Variants in METTL25 observed in about 807,000 individuals in gnomAD.
METTL25 encodes the protein methyltransferase like 25.
In METTL25, 64 loss-of-function variants were observed where a neutral mutation model predicts 71.6. That is an observed-to-expected ratio of 0.89 (90% CI 0.73 to 1.10). The LOEUF (loss-of-function observed/expected upper bound fraction) is 1.10. Ranked by LOEUF, METTL25 falls within the 50% of genes least tolerant of loss-of-function variation. The pLI is 0.00. For missense variants in METTL25, 807 were observed against 707.0 expected, an observed-to-expected ratio of 1.14 and a Z score of -1.60; for synonymous variants, 287 against 250.3, an observed-to-expected ratio of 1.15 and a Z score of -1.38.
At chr12:82,397,563 AT>A (rs1315043615) in intron 3 of METTL25, among the ~76,000 whole-genome samples, 3 of 151,766 alleles carry the variant, frequency 2.0e-5, no homozygotes, top group African/African-American at 7.3e-5. Flanking sequence ...ATCAGATAAC[AT>A]TTTTTTCTAT....
At chr12:82,437,722 G>T (rs1040409721) in intron 7 of METTL25, among the ~76,000 whole-genome samples, 1 of 151,634 alleles carries the variant, frequency 6.6e-6, no homozygotes, top group African/African-American at 2.4e-5. Flanking sequence ...GGATATACAC[G>T]TTTTACTGAA....
chr12:82,359,419 G>A (rs1167799116), intron 1 of METTL25, among the ~76,000 whole-genome samples: 1 of 152,166 alleles, frequency 6.6e-6, no homozygotes, highest in Non-Finnish European at 1.5e-5. Flanking sequence ...GATGGCACAG[G>A]CCTTTCTAGG....
At chr12:82,463,220 A>G (rs1892007473) in intron 9 of METTL25, among the ~76,000 whole-genome samples, 1 of 151,940 alleles carries the variant, frequency 6.6e-6, no homozygotes, top group African/African-American at 2.4e-5. Flanking sequence ...CACTGTCTAT[A>G]ATGCACTTCC....
At chr12:82,370,798 TTC>T (rs1411938668) in intron 1 of METTL25, among the ~76,000 whole-genome samples, 6 of 152,100 alleles carry the variant, frequency 3.9e-5, no homozygotes, top group African/African-American at 7.2e-5. Flanking sequence ...CTCTCTGACT[TTC>T]TGTCTCTTTC....
chr12:82,395,618 A>G (rs894017954), intron 3 of METTL25, among the ~76,000 whole-genome samples: 4 of 152,040 alleles, frequency 2.6e-5, no homozygotes, highest in Admixed American at 1.3e-4. Flanking sequence ...TTTACTATCT[A>G]AAGTACAGTA....
chr12:82,439,757 T>C (rs1415756273), intron 8 of METTL25: 1 of 415,886 alleles, frequency 2.4e-6, no homozygotes, highest in African/African-American at 2.2e-5. Context: ...TCTCTTATAT[T>C]TACCCTAAGA....
intron 1 of METTL25, among the ~76,000 whole-genome samples, chr12:82,365,083 C>G (rs1468879505): frequency 6.6e-6 from 1 of 151,940 alleles, no homozygotes; most frequent in Admixed American, 6.6e-5. Context: ...TTAAATAATT[C>G]TTGAAAGAAT....
chr12:82,362,269 T>C (rs1331270871), intron 1 of METTL25, among the ~76,000 whole-genome samples: 1 of 152,222 alleles, frequency 6.6e-6, no homozygotes, highest in African/African-American at 2.4e-5. Context: ...AACTATCTTT[T>C]CAGTGCATAA....
intron 1 of METTL25, among the ~76,000 whole-genome samples, chr12:82,370,376 G>A (rs993380864): frequency 6.6e-6 from 1 of 152,218 alleles, no homozygotes; most frequent in Non-Finnish European, 1.5e-5. Flanking sequence ...CTAGAAAGGG[G>A]AGAAGCCAGG....
chr12:82,359,635 G>A (rs1347596731), intron 1 of METTL25, among the ~76,000 whole-genome samples: 3 of 152,226 alleles, frequency 2.0e-5, no homozygotes, highest in African/African-American at 7.2e-5. Flanking sequence ...TATTCGGATA[G>A]TCACTATTTC....
chr12:82,417,206 G>GA (rs987820590), intron 5 of METTL25, among the ~76,000 whole-genome samples: 11 of 151,660 alleles, frequency 7.3e-5, no homozygotes, highest in African/African-American at 1.7e-4. Flanking sequence ...TACTTGACTT[G>GA]AAAAAAAATC....
chr12:82,397,908 A>G (rs896599914), intron 3 of METTL25, among the ~76,000 whole-genome samples: 1 of 151,982 alleles, frequency 6.6e-6, no homozygotes, highest in Non-Finnish European at 1.5e-5. Context: ...TGAGTCAGTA[A>G]AATTCTTCAA....
chr12:82,376,063 T>A (rs970380725), intron 1 of METTL25, among the ~76,000 whole-genome samples: 2 of 152,272 alleles, frequency 1.3e-5, no homozygotes, highest in Admixed American at 1.3e-4. Flanking sequence ...TTTCTTCCCA[T>A]TTAATGTAGG....
intron 2 of METTL25, among the ~76,000 whole-genome samples, chr12:82,387,353 A>G (rs1333653554): frequency 6.6e-6 from 1 of 152,086 alleles, no homozygotes; most frequent in Non-Finnish European, 1.5e-5. Context: ...TGTGGGGAGA[A>G]GCATGAGTGT....
In METTL25 at chr12:82,438,715, C is replaced by A; in HGVS notation, c.1405-3C>A. The A allele has an allele frequency of 1.4e-6, 2 of 1,458,984 alleles. No individual in the cohort carries two copies. The highest frequency in any genetic ancestry group is 3.0e-5 in the South Asian group (2 of 65,846). 90.4% of individuals were successfully genotyped at this position (1,458,984 alleles called of 1,614,324 possible). On this transcript the variant is annotated splice_polypyrimidine_tract_variant and splice_region_variant and intron_variant, in intron 7 of 11. Coordinates refer to ENST00000248306, the MANE Select transcript of METTL25 (RefSeq NM_032230.3). ...TGCTTATATATGTCTACATTTTTTT[C>A]AGCTGCCTACTGAATCACTCTTCTA...
At chr12:82,418,371 T>C (rs1278535666) in intron 5 of METTL25, among the ~76,000 whole-genome samples, 1 of 152,104 alleles carries the variant, frequency 6.6e-6, no homozygotes, top group Non-Finnish European at 1.5e-5. Flanking sequence ...CATAAAGGTG[T>C]AGTACTAAAT....
At chr12:82,380,174 A>G (rs1436470764) in intron 1 of METTL25, among the ~76,000 whole-genome samples, 1 of 152,116 alleles carries the variant, frequency 6.6e-6, no homozygotes, top group Non-Finnish European at 1.5e-5. Flanking sequence ...CTATGTTTCC[A>G]TGTGTTCTCA....
chr12:82,445,757 T>G (rs754390725), intron 8 of METTL25, among the ~76,000 whole-genome samples: 93 of 152,216 alleles, frequency 6.1e-4, no homozygotes, highest in Non-Finnish European at 1.1e-3. Context: ...CAGCTGTGGT[T>G]GCCCACCATT....
chr12:82,478,175 T>C (rs751794713), intron 11 of METTL25, among the ~76,000 whole-genome samples: 5 of 151,786 alleles, frequency 3.3e-5, no homozygotes, highest in Admixed American at 3.3e-4. Context: ...GTTCCTAAGT[T>C]AGTGGGTGAT....
Sources: allele counts gnomAD v4.1 joint callset (sites outside exome capture counted in the v4.1 genomes callset), GRCh38; gene constraint gnomAD v4.1.1; transcripts MANE v1.5; gene names NCBI Gene and HGNC (gene_info 2026-07-23, HGNC 2026-07-21).